HDLBP: variants seen among roughly 807,000 people sequenced by gnomAD.
HDLBP encodes vigilin.
Under a neutral mutation model 137.3 loss-of-function variants are expected in HDLBP, and 30 were observed. The ratio of observed to expected loss-of-function variants is 0.22; its 90% confidence interval spans 0.16 to 0.30. The LOEUF (loss-of-function observed/expected upper bound fraction) is 0.30, where lower values mean the gene tolerates loss of function less well. Ranked by LOEUF, HDLBP falls within the 10% of genes least tolerant of loss-of-function variation. HDLBP has a pLI of 1.00. For missense variants in HDLBP, 1,119 were observed against 1,667.3 expected, an observed-to-expected ratio of 0.67 and a Z score of 5.73; for synonymous variants, 606 against 596.0, an observed-to-expected ratio of 1.02 and a Z score of -0.24.
intron 14 of HDLBP, 81 bp downstream of exon 14, chr2:241,247,922 G>A (rs374132322): frequency 2.1e-6 from 2 of 939,384 alleles, no homozygotes; most frequent in East Asian, 2.4e-5. Context: ...GGGGTCCTGT[G>A]GGGGTCAGGA....
At chr2:241,248,218 T>C (rs779830050) in intron 13 of HDLBP, 26 bp downstream of exon 13, 1 of 1,587,080 alleles carries the variant, frequency 6.3e-7, no homozygotes, top group Non-Finnish European at 8.7e-7. Flanking sequence ...CCTATAGAGT[T>C]ACAGAATGTC....
In HDLBP at chr2:241,253,216, G is replaced by A. The variant is rs988423687; in HGVS notation, c.1293+177C>T. 7.5e-6 allele frequency: 5 copies of A among 664,396 alleles called. No homozygotes were observed. The East Asian group carries it at 8.0e-5, about 11-fold the overall frequency. The allele number at this position is 664,396 out of a possible 1,614,324, so 41.2% of individuals were successfully genotyped here. A position where few individuals can be genotyped will look rare whatever the true frequency, so the allele number is the denominator to read the frequency against. On this transcript the variant is annotated intron_variant, in intron 10 of 27. Coordinates refer to ENST00000310931, the MANE Select transcript of HDLBP (RefSeq NM_005336.6). ...TCAAGATGAAGTTTCCTCCACCCAC[G>A]ATTATTCCAGGACTTCGACCAGCTT... is the stretch of plus-strand genomic sequence containing the variant.
At chr2:241,305,075 C>T (rs770446595) in intron 1 of HDLBP, among the ~76,000 whole-genome samples, 55 of 152,222 alleles carry the variant, frequency 3.6e-4, no homozygotes, top group Non-Finnish European at 6.8e-4. Flanking sequence ...TGTAAGGCAA[C>T]ACAGCCCTAA....
Position 241,230,750 on chromosome 2 carries a change from C to G in HDLBP, c.3474+9G>C. The G allele has an allele frequency of 6.2e-7, 1 of 1,612,748 alleles. No homozygotes were observed. Among genetic ancestry groups the G allele is most frequent in the East Asian group, 2.2e-5 (1 of 44,862 alleles). On this transcript the variant is annotated intron_variant, in intron 25 of 27. Coordinates refer to ENST00000310931, the MANE Select transcript of HDLBP (RefSeq NM_005336.6). This position sits in a 1 kb window ranked among gnomAD's most constrained non-coding sequence, Gnocchi z 5.0. ...GGATTCTCACCCACTGTGCTTCCAG[C>G]CGGCTCACCTTGAATTCGTCCATGA... is the stretch of plus-strand genomic sequence containing the variant.
chr2:241,299,982 A>G (rs1654737245), intron 1 of HDLBP, among the ~76,000 whole-genome samples: 1 of 152,188 alleles, frequency 6.6e-6, no homozygotes, highest in Admixed American at 6.5e-5. Flanking sequence ...ATGAATGCAC[A>G]TTGCACCCAA....
Position 241,247,069 on chromosome 2 carries a change from G to A in HDLBP, c.1805C>T (p.Ala602Val), listed in dbSNP as rs1161917676. ...FHKNIIGKGG[A>V]NIKKIREESN... is the part of the protein sequence containing the mutation. ...ACAAGTTATCACCTTTTTAATGTTT[G>A]CGCCTCCTTTCCCAATGATATTCTT... Residue 602 changes from alanine to valine, a missense_variant, in exon 15 of 28, where the codon GCA (alanine) becomes GTA (valine). Ala to Val is a moderately conservative substitution (Grantham distance 64). Coordinates refer to ENST00000310931, the MANE Select transcript of HDLBP (RefSeq NM_005336.6). The A allele has an allele frequency of 6.2e-7, 1 of 1,611,660 alleles. No individual in the cohort carries two copies. Among genetic ancestry groups the A allele is most frequent in the Admixed American group, 1.7e-5 (1 of 60,026 alleles).
Position 241,272,971 on chromosome 2 carries a change from G to T in HDLBP, c.-102-4430C>A, listed in dbSNP as rs964458576. On this transcript the variant is annotated intron_variant, in intron 1 of 27. Transcript: ENST00000310931. This position sits in a 1 kb window ranked among gnomAD's most constrained non-coding sequence, Gnocchi z 5.6. ...CACCCGGGAGGCCCACCCAACTGCA[G>T]GCGTGGTTCTGCATCCTTTTTTCGG... is the stretch of plus-strand genomic sequence containing the variant. 16 of 974,120 alleles carry T rather than the reference G, an allele frequency of 1.6e-5. No individual in the cohort carries two copies. Among genetic ancestry groups the T allele is most frequent in the South Asian group, 4.7e-5 (1 of 21,322 alleles). The allele number at this position is 974,120 out of a possible 1,614,324, so 60.3% of individuals were successfully genotyped here.
chr2:241,312,458 T>C (rs2075782294), intron 1 of HDLBP, among the ~76,000 whole-genome samples: 1 of 152,232 alleles, frequency 6.6e-6, no homozygotes, highest in Non-Finnish European at 1.5e-5. Flanking sequence ...ATTATTTTCT[T>C]GGTTTCCAGA....
intron 22 of HDLBP, 82 bp from the exon 23 acceptor site, chr2:241,235,337 TGA>T (rs2070277253): frequency 6.3e-7 from 1 of 1,583,182 alleles, no homozygotes; most frequent in Non-Finnish European, 8.6e-7. Context: ...CCAGAAGTGG[TGA>T]GAGGGAAGGC....
chr2:241,252,746 C>T (rs531619991), intron 11 of HDLBP, among the ~76,000 whole-genome samples: 19 of 152,362 alleles, frequency 1.2e-4, no homozygotes, highest in African/African-American at 4.3e-4. Context: ...AATTCACCCA[C>T]TGGCCAAGCA....
At chr2:241,231,503 TCAAAGA>T (rs1434433153) in intron 24 of HDLBP, among the ~76,000 whole-genome samples, 3 of 151,894 alleles carry the variant, frequency 2.0e-5, no homozygotes, top group Non-Finnish European at 4.4e-5. Flanking sequence ...ACATTTGTCC[TCAAAGA>T]CAAAGGAGAG....
intron 17 of HDLBP, among the ~76,000 whole-genome samples, chr2:241,241,599 A>G (rs1303002273): frequency 7.5e-6 from 1 of 134,068 alleles, no homozygotes; most frequent in African/African-American, 2.7e-5. Context: ...AAAAAAAAAA[A>G]AAAATCCACA....
intron 1 of HDLBP, among the ~76,000 whole-genome samples, chr2:241,283,315 G>A (rs2074679154): frequency 6.6e-6 from 1 of 152,228 alleles, no homozygotes; most frequent in Non-Finnish European, 1.5e-5. Flanking sequence ...AAAGTGCACG[G>A]TGAAGCAGCA....
chr2:241,231,007 A>G, intron 24 of HDLBP, 63 bp from the exon 25 acceptor site: 1 of 1,460,780 alleles, frequency 6.8e-7, no homozygotes. Context: ...CAGGGGCAAG[A>G]GCCGGCCCCC....
chr2:241,299,249 G>A (rs368381764), intron 1 of HDLBP, among the ~76,000 whole-genome samples: 3 of 152,178 alleles, frequency 2.0e-5, no homozygotes, highest in Middle Eastern at 3.4e-3. Context: ...GGCCGGGCGC[G>A]GTGGCTCACG....
chr2:241,263,016 A>T, intron 4 of HDLBP, 90 bp from the exon 5 acceptor site: 1 of 1,007,876 alleles, frequency 9.9e-7, no homozygotes, highest in Non-Finnish European at 1.5e-6. Context: ...ATCACCATCC[A>T]CTCACAAAGC....
intron 1 of HDLBP, among the ~76,000 whole-genome samples, chr2:241,310,654 T>TAG (rs34604215): frequency 1.3e-4 from 20 of 151,642 alleles, no homozygotes; most frequent in South Asian, 4.2e-4. Flanking sequence ...AGTAGAATTC[T>TAG]AGAGAGAGAG....
chr2:241,246,912 C>G lies in HDLBP; in HGVS notation c.1819-29G>C. 4.3e-6 allele frequency: 7 copies of G among 1,613,028 alleles called. No homozygotes were observed. In the South Asian group the frequency reaches 5.5e-5, roughly 13 times the overall value. ...CAGGGAGAGAGATCACCATGAGAAGCTGACTAGAGCTCTCCCAGAGTTGAG... is the reference window on the plus strand; with the variant it reads ...CAGGGAGAGAGATCACCATGAGAAGGTGACTAGAGCTCTCCCAGAGTTGAG... On this transcript the variant is annotated intron_variant, in intron 15 of 27. Transcript: ENST00000310931.
chr2:241,260,316 G>A (rs2073049697), intron 5 of HDLBP, among the ~76,000 whole-genome samples: 1 of 152,078 alleles, frequency 6.6e-6, no homozygotes, highest in African/African-American at 2.4e-5. Context: ...AGAAGGTATT[G>A]ATATTAATAG....
Sources: allele counts gnomAD v4.1 joint callset (sites outside exome capture counted in the v4.1 genomes callset), GRCh38; gene constraint gnomAD v4.1.1; non-coding constraint Gnocchi (gnomAD v3.1); transcripts MANE v1.5; gene names NCBI Gene and HGNC (gene_info 2026-07-23, HGNC 2026-07-21).